The following LRSAM1 variants were observed in gnomAD, a reference collection of about 807,000 sequenced individuals.
The protein encoded by LRSAM1 is leucine rich repeat and sterile alpha motif containing 1.
LRSAM1 carries 96 observed loss-of-function variants against 118.1 expected under a neutral mutation model. The ratio of observed to expected loss-of-function variants is 0.81; its 90% CI spans 0.69 to 0.96. The LOEUF is 0.96. Among genes scored for constraint, LRSAM1 ranks in the 40% least tolerant of loss-of-function variants. LRSAM1 has a pLI of 0.00. For synonymous variants in LRSAM1, 322 were observed against 364.2 expected (o/e 0.88, Z 1.32); for missense variants, 804 against 915.5 (o/e 0.88, Z 1.57).
intron 7 of LRSAM1, among the ~76,000 whole-genome samples, chr9:127,459,926 CAT>C (rs1348042892): frequency 1.6e-4 from 24 of 152,318 alleles, no homozygotes; most frequent in African/African-American, 5.8e-4. Flanking sequence ...GACAATAACT[CAT>C]AGCATCCTTT....
intron 7 of LRSAM1, 145 bp downstream of exon 7, chr9:127,459,216 G>GTTTT: frequency 1.4e-6 from 1 of 712,962 alleles, no homozygotes; most frequent in Non-Finnish European, 2.3e-6. Context: ...GGCCCTTTGG[G>GTTTT]GTTTTTTTTT....
At chr9:127,471,515 G>C (rs1481425649) in intron 10 of LRSAM1, among the ~76,000 whole-genome samples, 1 of 149,102 alleles carries the variant, frequency 6.7e-6, no homozygotes, top group South Asian at 2.1e-4. Flanking sequence ...GGCTGGGCGC[G>C]GTGGCTCACG....
intron 5 of LRSAM1, 92 bp from the exon 6 acceptor site, chr9:127,457,224 G>A (rs562544656): frequency 3.1e-5 from 44 of 1,411,130 alleles, no homozygotes; most frequent in Middle Eastern, 1.7e-4. Flanking sequence ...ATGGTGGGGC[G>A]TGGCACGGCG....
rs1835258406 is a variant in LRSAM1 at position 127,473,818 on chromosome 9, T to C, written c.637T>C (p.Tyr213His). ...TCTTACAGAGTCAGGGCTGGAATAC[T>C]ACCCCCCTTCTCAGTACTTGCTGCC... The part of the protein sequence containing the change: ...FLCKESGLEY[Y>H]PPSQYLLPIL... Residue 213 changes from tyrosine to histidine, a missense_variant, in exon 11 of 26, where the codon TAC becomes CAC. By Grantham distance (83) the Tyr-to-His change is moderately conservative (BLOSUM62 2). Coordinates refer to ENST00000300417, the MANE Select transcript of LRSAM1 (RefSeq NM_001005373.4). The C allele has an allele frequency of 6.2e-7, 1 of 1,614,182 alleles. No homozygotes were observed. Among genetic ancestry groups the C allele is most frequent in the South Asian group, 1.1e-5 (1 of 91,076 alleles).
intron 11 of LRSAM1, among the ~76,000 whole-genome samples, chr9:127,476,800 G>A (rs1178179172): frequency 2.0e-5 from 3 of 151,952 alleles, no homozygotes; most frequent in African/African-American, 4.8e-5. Context: ...TTAGCCTCCC[G>A]AGTAGCTGGG....
chr9:127,491,788 C>T (rs1291970476), intron 20 of LRSAM1, among the ~76,000 whole-genome samples: 1 of 152,220 alleles, frequency 6.6e-6, no homozygotes, highest in East Asian at 1.9e-4. Flanking sequence ...GATGAGAGGG[C>T]AGCAGGGACT....
chr9:127,493,401 T>G (rs866162264), intron 21 of LRSAM1, among the ~76,000 whole-genome samples: 1 of 152,208 alleles, frequency 6.6e-6, no homozygotes, highest in Admixed American at 6.5e-5. Flanking sequence ...AACATTGTGA[T>G]GCACCTTTAT....
At chr9:127,502,450 C>T (rs376995440) in intron 25 of LRSAM1, among the ~76,000 whole-genome samples, 7 of 151,972 alleles carry the variant, frequency 4.6e-5, no homozygotes, top group African/African-American at 1.7e-4. Flanking sequence ...TTTGGGAGGC[C>T]GAGGCGGGCA....
chr9:127,473,249 C>T (rs558297566), intron 10 of LRSAM1, among the ~76,000 whole-genome samples: 2 of 152,122 alleles, frequency 1.3e-5, no homozygotes, highest in African/African-American at 4.8e-5. Context: ...CGGAAGGACA[C>T]CATCATCAAA....
At position 127,501,155 on chromosome 9, in the gene LRSAM1, G is replaced by A. The variant is rs755857059; in HGVS notation, c.2046+12G>A. 1.2e-6 allele frequency: 2 copies of A among 1,607,958 alleles called. No individual in the cohort carries two copies. Among genetic ancestry groups the A allele is most frequent in the African/African-American group, 1.3e-5 (1 of 74,806 alleles). ...GCCTGGAACGGGAGGTAAGTCCGGG[G>A]CCCTCCCCACCCGCCTGCCCTGCCT... On this transcript the variant is annotated intron_variant, in intron 25 of 25. Coordinates refer to ENST00000300417, the MANE Select transcript of LRSAM1 (RefSeq NM_001005373.4).
intron 14 of LRSAM1, 119 bp downstream of exon 14, chr9:127,480,097 A>G: frequency 1.4e-6 from 2 of 1,401,470 alleles, no homozygotes; most frequent in Non-Finnish European, 2.0e-6. Flanking sequence ...TTCCCTTGTC[A>G]GGATCCAGTC....
chr9:127,482,427 G>A (rs1201231464), intron 15 of LRSAM1, among the ~76,000 whole-genome samples: 1 of 152,158 alleles, frequency 6.6e-6, no homozygotes, highest in Non-Finnish European at 1.5e-5. Flanking sequence ...ACAGGTGTGA[G>A]CCACCGCACC....
chr9:127,493,982 A>G (rs1836027791), intron 21 of LRSAM1, among the ~76,000 whole-genome samples: 1 of 152,234 alleles, frequency 6.6e-6, no homozygotes, highest in Non-Finnish European at 1.5e-5. Context: ...GCCTGTGCCC[A>G]TCAGAGGAAG....
intron 18 of LRSAM1, 63 bp from the exon 19 acceptor site, chr9:127,489,381 G>A: frequency 6.4e-7 from 1 of 1,553,244 alleles, no homozygotes; most frequent in South Asian, 1.2e-5. Context: ...TTTTCACAGG[G>A]ATGGGGCTGC....
intron 11 of LRSAM1, 127 bp from the exon 12 acceptor site, chr9:127,478,807 C>A: frequency 1.1e-6 from 1 of 887,962 alleles, no homozygotes; most frequent in Non-Finnish European, 1.9e-6. Flanking sequence ...CCCCACCATT[C>A]TGAGGCAGTG....
At chr9:127,473,733 G>A (rs1835254837) in intron 10 of LRSAM1, 68 bp from the exon 11 acceptor site, 2 of 1,611,006 alleles carry the variant, frequency 1.2e-6, no homozygotes, top group Non-Finnish European at 8.5e-7. Flanking sequence ...CTGGCAGTGG[G>A]AGCGGGTGTC....
chr9:127,489,065 A>G (rs951699182), intron 18 of LRSAM1, among the ~76,000 whole-genome samples: 3 of 152,200 alleles, frequency 2.0e-5, no homozygotes, highest in South Asian at 2.1e-4. Flanking sequence ...AAAATTCTCC[A>G]TTTCTCAGAG....
intron 19 of LRSAM1, among the ~76,000 whole-genome samples, chr9:127,490,926 G>A (rs1046956484): frequency 2.6e-5 from 4 of 152,112 alleles, no homozygotes; most frequent in African/African-American, 9.7e-5. Flanking sequence ...CATTGCACAA[G>A]CCTTTATCCT....
chr9:127,485,005 G>A (rs551680347), intron 16 of LRSAM1, among the ~76,000 whole-genome samples: 37 of 151,292 alleles, frequency 2.4e-4, no homozygotes, highest in Non-Finnish European at 4.9e-4. Flanking sequence ...ACACAGTTTC[G>A]CCATGTTGGC....
Sources: allele counts gnomAD v4.1 joint callset (sites outside exome capture counted in the v4.1 genomes callset), GRCh38; gene constraint gnomAD v4.1.1; transcripts MANE v1.5; gene names NCBI Gene and HGNC (gene_info 2026-07-23, HGNC 2026-07-21).